The following RUNX1 variants were observed in gnomAD, a reference collection of about 807,000 sequenced individuals.
RUNX1 encodes the protein runt-related transcription factor 1.
In RUNX1, 19 loss-of-function variants were observed where a neutral mutation model predicts 42.8. The observed-to-expected ratio is 0.44, with a 90% CI of 0.31 to 0.65. The LOEUF (loss-of-function observed/expected upper bound fraction) is 0.65, where lower values mean the gene tolerates loss of function less well. RUNX1 is among the 30% of genes least tolerant of loss of function. The probability of loss-of-function intolerance (pLI) is 0.07; values close to 1 mark genes in which losing one functional copy is unlikely to be tolerated. For missense variants in RUNX1, 528 were observed against 672.0 expected, an observed-to-expected ratio of 0.79 and a Z score of 2.37; for synonymous variants, 271 against 289.4, an observed-to-expected ratio of 0.94 and a Z score of 0.64.
intron 2 of RUNX1, among the ~76,000 whole-genome samples, chr21:34,972,508 T>C (rs1023337128): frequency 2.0e-5 from 3 of 152,308 alleles, no homozygotes; most frequent in South Asian, 4.1e-4. Flanking sequence ...CTAAAAAGTA[T>C]GGATAAATGC....
intron 6 of RUNX1, among the ~76,000 whole-genome samples, chr21:34,844,908 C>T (rs1170139032): frequency 7.2e-5 from 11 of 152,232 alleles, no homozygotes; most frequent in African/African-American, 2.7e-4. Flanking sequence ...TGGCCACTCA[C>T]AGCTCCTGAG....
At position 34,805,432 on chromosome 21, in the gene RUNX1, C is replaced by CA. The variant is rs564834226; in HGVS notation, c.806-5971dup. ...ACCCAGGCATATCATATTTAAACTG[C>CA]AAAAAACCAAAGAGAAGAGAAAATC... On this transcript the variant is annotated intron_variant, in intron 7 of 8. Coordinates refer to ENST00000675419, the MANE Select transcript of RUNX1 (RefSeq NM_001754.5). 4.6e-5 allele frequency among the ~76,000 whole-genome samples: 7 copies of CA among 152,020 alleles called. No homozygotes were observed. The South Asian group carries it at 8.3e-4, about 18-fold the overall frequency.
At chr21:34,888,124 CT>C in intron 3 of RUNX1, 1 of 1,066,402 alleles carries the variant, frequency 9.4e-7, no homozygotes, top group Non-Finnish European at 1.1e-6. Flanking sequence ...CAGCCACTGT[CT>C]ACATCAGCTG....
chr21:34,971,922 C>A (rs1039766377), intron 2 of RUNX1, among the ~76,000 whole-genome samples: 3 of 152,218 alleles, frequency 2.0e-5, no homozygotes, highest in Non-Finnish European at 4.4e-5. Flanking sequence ...GATGTCTTCA[C>A]TGAGGAATGA....
In RUNX1 at chr21:35,009,039, G is replaced by A. The variant is rs149463726; in HGVS notation, c.58+39803C>T. On this transcript the variant is annotated intron_variant, in intron 2 of 8. Transcript: ENST00000675419. ...TGTGTTGAATTACAGGCAATTATCA[G>A]TGGTCTCCCTGTTGGCCCTGAAGAA... 1.2e-4 allele frequency among the ~76,000 whole-genome samples: 18 copies of A among 152,332 alleles called. No individual in the cohort carries two copies. In the East Asian group the frequency reaches 3.3e-3, roughly 28 times the overall value.
At chr21:34,893,772 T>TG (rs1158306377) in intron 2 of RUNX1, among the ~76,000 whole-genome samples, 5 of 83,676 alleles carry the variant, frequency 6.0e-5, no homozygotes, top group African/African-American at 3.1e-4. Flanking sequence ...AGTATGCTGT[T>TG]TTTTTTTTTT....
At chr21:34,965,263 C>T (rs2058710801) in intron 2 of RUNX1, among the ~76,000 whole-genome samples, 1 of 152,146 alleles carries the variant, frequency 6.6e-6, no homozygotes, top group Non-Finnish European at 1.5e-5. Context: ...CATCTACACA[C>T]ACAGATCTGA....
In RUNX1 at chr21:34,799,347, G is replaced by A. The variant is rs2145907934; in HGVS notation, c.921C>T (p.Ala307=). 1 of 1,614,204 alleles carries A rather than the reference G, an allele frequency of 6.2e-7. No individual in the cohort carries two copies. Among genetic ancestry groups the A allele is most frequent in the Non-Finnish European group, 8.5e-7 (1 of 1,180,044 alleles). The change falls in exon 8 of 9, where the codon GCC becomes GCT. Residue 307 remains alanine, a synonymous_variant. Coordinates refer to ENST00000675419, the MANE Select transcript of RUNX1 (RefSeq NM_001754.5). ...HPATPISPGR[A]SGMTTLSAEL... ...CTGCAGAGAGGGTTGTCATGCCGCT[G>A]GCACGTCCAGGTGAAATGGGCGTTG...
intron 7 of RUNX1, among the ~76,000 whole-genome samples, chr21:34,830,432 ATTC>A (rs751059497): frequency 4.6e-5 from 7 of 152,338 alleles, no homozygotes; most frequent in African/African-American, 1.2e-4. Flanking sequence ...TGGCCCCAAA[ATTC>A]TTCTTATTAT....
At position 34,948,950 on chromosome 21, in the gene RUNX1, T is replaced by A. The variant is rs547381925; in HGVS notation, c.59-55987A>T. ...TGTGTATTTTAAGTAGAGACAGGGTTTCACCATCTTGGCCAGGCTGGTCTT... is the reference window on the plus strand; with the variant it reads ...TGTGTATTTTAAGTAGAGACAGGGTATCACCATCTTGGCCAGGCTGGTCTT... On this transcript the variant is annotated intron_variant, in intron 2 of 8. Coordinates refer to ENST00000675419, the MANE Select transcript of RUNX1 (RefSeq NM_001754.5). 1.9e-4 allele frequency among the ~76,000 whole-genome samples: 29 copies of A among 152,234 alleles called. No individual in the cohort carries two copies. The East Asian group carries it at 5.6e-3, about 29-fold the overall frequency.
At chr21:34,856,404 C>T (rs759518977) in intron 6 of RUNX1, 2 of 519,010 alleles carry the variant, frequency 3.9e-6, no homozygotes, top group Admixed American at 3.9e-5. Flanking sequence ...TATAAGCCAA[C>T]TCCTCATTTT....
rs912294440 is a variant in RUNX1, at chr21:34,788,449, TAAG to T, written c.*3683_*3685del. The T allele has an allele frequency of 8.6e-6, 2 of 232,964 alleles. No homozygotes were observed. The highest frequency in any genetic ancestry group is 2.2e-5 in the African/African-American group (1 of 45,308). The allele number at this position is 232,964 out of a possible 1,614,324, so 14.4% of individuals were successfully genotyped here. A position where few individuals can be genotyped will look rare whatever the true frequency, so the allele number is the denominator to read the frequency against. On this transcript the variant is annotated 3_prime_UTR_variant, in exon 9 of 9. Coordinates refer to ENST00000675419, the MANE Select transcript of RUNX1 (RefSeq NM_001754.5). ...GCTATTAGCTGTTTACAAAAGTGAA[TAAG>T]AAGTAGCTCATTTTAAAGTCTAAAA...
At chr21:35,048,732 A>T in intron 2 of RUNX1, 110 bp downstream of exon 2, 1 of 874,498 alleles carries the variant, frequency 1.1e-6, no homozygotes, top group Non-Finnish European at 2.0e-6. Flanking sequence ...CAAACAAGAC[A>T]GGGAACTGGC....
At chr21:35,034,264 G>T (rs1182886511) in intron 2 of RUNX1, among the ~76,000 whole-genome samples, 2 of 152,236 alleles carry the variant, frequency 1.3e-5, no homozygotes, top group Admixed American at 1.3e-4. Flanking sequence ...TGTTGCGCCA[G>T]CAGGCCAGAG....
At chr21:34,889,308 T>A (rs1052958555) in intron 3 of RUNX1, among the ~76,000 whole-genome samples, 3 of 152,082 alleles carry the variant, frequency 2.0e-5, no homozygotes, top group Admixed American at 1.3e-4. Context: ...CGGCGCTGAT[T>A]CCTTGCATGA....
chr21:35,014,266 T>C (rs371146478), intron 2 of RUNX1, among the ~76,000 whole-genome samples: 3 of 152,238 alleles, frequency 2.0e-5, no homozygotes, highest in East Asian at 3.8e-4. Context: ...AGGGTCCAGT[T>C]TTCATGTTGC....
intron 7 of RUNX1, among the ~76,000 whole-genome samples, chr21:34,825,558 T>C (rs749308436): frequency 2.6e-5 from 4 of 152,224 alleles, no homozygotes; most frequent in Non-Finnish European, 4.4e-5. Flanking sequence ...AGATGTTCAG[T>C]TCACATTTAC....
chr21:34,934,845 G>A (rs2058473754), intron 2 of RUNX1, among the ~76,000 whole-genome samples: 1 of 152,088 alleles, frequency 6.6e-6, no homozygotes, highest in Admixed American at 6.5e-5. Context: ...TGAACAATTG[G>A]CAGATGATCC....
intron 5 of RUNX1, among the ~76,000 whole-genome samples, chr21:34,866,826 T>C (rs185753656): frequency 6.6e-6 from 1 of 152,196 alleles, no homozygotes; most frequent in Non-Finnish European, 1.5e-5. Flanking sequence ...ACATCACACA[T>C]GCAAAATGCA....
Sources: gnomAD v4.1 joint callset for allele counts (sites outside exome capture counted in the v4.1 genomes callset) on GRCh38, gnomAD v4.1.1 for gene constraint, MANE v1.5 for transcripts, NCBI Gene and HGNC (gene_info 2026-07-23, HGNC 2026-07-21) for gene names.